Variants in CCDC73 observed in about 807,000 individuals in gnomAD.
The protein encoded by CCDC73 is coiled-coil domain containing 73, also known as coiled-coil domain-containing protein 73.
CCDC73 carries 95 observed loss-of-function variants against 116.5 expected under a neutral mutation model. The observed-to-expected ratio is 0.82, with a 90% CI of 0.69 to 0.97. The LOEUF is 0.97. Among genes scored for constraint, CCDC73 ranks in the 50% least tolerant of loss-of-function variants. The pLI, the probability that CCDC73 is intolerant of heterozygous loss-of-function variation, is 0.00. For synonymous variants in CCDC73, 398 were observed against 401.3 expected (o/e 0.99, Z 0.10); for missense variants, 1,066 against 1,206.8 (o/e 0.88, Z 1.73).
chr11:32,724,304 T>G (rs1850013430), intron 2 of CCDC73, among the ~76,000 whole-genome samples: 1 of 152,172 alleles, frequency 6.6e-6, no homozygotes, highest in Non-Finnish European at 1.5e-5. Flanking sequence ...AAATTTAATG[T>G]GCCCTTTCTG....
At chr11:32,709,960 G>A (rs1023134355) in intron 3 of CCDC73, among the ~76,000 whole-genome samples, 7 of 151,908 alleles carry the variant, frequency 4.6e-5, no homozygotes, top group Non-Finnish European at 8.8e-5. Context: ...GAATTTATCC[G>A]TCTCCTCTAA....
At chr11:32,661,529 C>G (rs559286921) in intron 9 of CCDC73, among the ~76,000 whole-genome samples, 237 of 149,742 alleles carry the variant, frequency 1.6e-3, no homozygotes, top group Middle Eastern at 0.014. Context: ...CAATTCCCAC[C>G]TGAGAGTGAG....
At chr11:32,760,482 C>T (rs991367350) in intron 1 of CCDC73, among the ~76,000 whole-genome samples, 5 of 152,098 alleles carry the variant, frequency 3.3e-5, no homozygotes, top group African/African-American at 9.7e-5. Flanking sequence ...TAGCTGAGTA[C>T]CCTCAAAGGC....
chr11:32,751,454 C>A (rs919875032), intron 2 of CCDC73, among the ~76,000 whole-genome samples: 1 of 152,134 alleles, frequency 6.6e-6, no homozygotes, highest in African/African-American at 2.4e-5. Context: ...ATTTGGAAAC[C>A]CCCCAGCGGC....
At chr11:32,801,188 C>A in the CCDC73 span, among the ~76,000 whole-genome samples, 9 of 152,194 alleles carry the variant, frequency 5.9e-5, no homozygotes, top group Non-Finnish European at 8.8e-5. Context: ...TGGCAGACAT[C>A]TGCTCATATC....
intron 2 of CCDC73, among the ~76,000 whole-genome samples, chr11:32,732,036 T>C (rs1221177725): frequency 5.3e-5 from 8 of 152,130 alleles, no homozygotes; most frequent in Admixed American, 5.2e-4. Flanking sequence ...ATTGGACGAA[T>C]GGCTAACTAC....
chr11:32,624,934 GAAAAC>G (rs1855556410), intron 14 of CCDC73, among the ~76,000 whole-genome samples: 1 of 152,222 alleles, frequency 6.6e-6, no homozygotes, highest in African/African-American at 2.4e-5. Flanking sequence ...CACAAGGACA[GAAAAC>G]CAAACACCGC....
chr11:32,765,561 A>C (rs11529903), intron 1 of CCDC73, among the ~76,000 whole-genome samples: 99,211 of 152,010 alleles, frequency 0.65, 32,478 homozygotes, highest in East Asian at 0.84. Context: ...TTCTTTGAAA[A>C]CAATGAGAAC....
chr11:32,648,631 A>T (rs1855800137), intron 12 of CCDC73, among the ~76,000 whole-genome samples: 1 of 151,718 alleles, frequency 6.6e-6, no homozygotes, highest in Non-Finnish European at 1.5e-5. Context: ...AGCTCACTGC[A>T]ACCTCTGCCT....
chr11:32,762,293 A>T (rs1462192424), intron 1 of CCDC73, among the ~76,000 whole-genome samples: 2 of 152,252 alleles, frequency 1.3e-5, no homozygotes, highest in African/African-American at 4.8e-5. Flanking sequence ...CTGAAAAGAT[A>T]ATAAAAAATT....
At chr11:32,653,003 C>T in intron 12 of CCDC73, 120 bp downstream of exon 12, 1 of 565,676 alleles carries the variant, frequency 1.8e-6, no homozygotes, top group Non-Finnish European at 3.0e-6. Context: ...TATCTTACCC[C>T]TAGAATTCAA....
In CCDC73 at chr11:32,727,090, A is replaced by G. The variant is rs368150802; in HGVS notation, c.136-8943T>C. 8.3e-4 allele frequency among the ~76,000 whole-genome samples: 127 copies of G among 152,286 alleles called. 1 individual carries two copies. The South Asian group carries it at 0.013, about 15-fold the overall frequency. ...CACTTTTGAAGAATATTATTGAGGT[A>G]TCTTGTAGAATGTCCCTCAAATGGG... On this transcript the variant is annotated intron_variant, in intron 2 of 17. Transcript: ENST00000335185.
chr11:32,789,834 A>G (rs2419766), intron 1 of CCDC73, among the ~76,000 whole-genome samples: 83,962 of 151,980 alleles, frequency 0.55, 23,761 homozygotes, highest in East Asian at 0.84. Flanking sequence ...ACGGATATAC[A>G]AAATAATTAT....
chr11:32,703,801 T>C (rs1849832640), intron 3 of CCDC73, among the ~76,000 whole-genome samples: 1 of 152,220 alleles, frequency 6.6e-6, no homozygotes, highest in South Asian at 2.1e-4. Flanking sequence ...TTGGTGGAAG[T>C]TGCACGTTCT....
intron 1 of CCDC73, among the ~76,000 whole-genome samples, chr11:32,769,444 A>G (rs1850472867): frequency 6.6e-6 from 1 of 152,160 alleles, no homozygotes; most frequent in Admixed American, 6.6e-5. Context: ...TGGTTTGTTT[A>G]TATAGTGGCT....
At chr11:32,753,652 G>T (rs1310961423) in intron 2 of CCDC73, among the ~76,000 whole-genome samples, 2 of 152,086 alleles carry the variant, frequency 1.3e-5, no homozygotes, top group East Asian at 3.9e-4. Flanking sequence ...TTTTAATAGA[G>T]ATGGGGCTTC....
intron 11 of CCDC73, 136 bp downstream of exon 11, chr11:32,653,842 A>T (rs1416908891): frequency 6.1e-6 from 6 of 984,872 alleles, no homozygotes; most frequent in East Asian, 3.0e-5. Context: ...GACTGATTTT[A>T]AAAAGTATAC....
chr11:32,653,087 G>T (rs773722344), intron 12 of CCDC73, 36 bp downstream of exon 12: 20 of 1,228,878 alleles, frequency 1.6e-5, no homozygotes, highest in Non-Finnish European at 2.3e-5. Context: ...CTAAAACACA[G>T]ATAGATAGAC....
intron 2 of CCDC73, among the ~76,000 whole-genome samples, chr11:32,738,541 T>G (rs1381321266): frequency 6.6e-6 from 1 of 152,158 alleles, no homozygotes; most frequent in Non-Finnish European, 1.5e-5. Flanking sequence ...ATTTTTAAAT[T>G]GGATTGTTAG....
Sources: allele counts gnomAD v4.1 joint callset (sites outside exome capture counted in the v4.1 genomes callset), GRCh38; gene constraint gnomAD v4.1.1; transcripts MANE v1.5; gene names NCBI Gene and HGNC (gene_info 2026-07-23, HGNC 2026-07-21).